Variants in CNOT4 observed in about 807,000 individuals in gnomAD.
CNOT4 encodes the protein CCR4-associated factor 4.
CNOT4 carries 8 observed loss-of-function variants against 73.8 expected under a neutral mutation model. That is an observed-to-expected ratio of 0.11 (90% CI 0.06 to 0.20). CNOT4 has a LOEUF of 0.20. Among genes scored for constraint, CNOT4 ranks in the 10% least tolerant of loss-of-function variants. CNOT4 has a pLI of 1.00. For missense variants in CNOT4, 564 were observed against 883.4 expected (o/e 0.64, Z 4.58); for synonymous variants, 293 against 321.1 (o/e 0.91, Z 0.94).
chr7:135,450,063 T>C (rs948995292), intron 1 of CNOT4, among the ~76,000 whole-genome samples: 10 of 152,098 alleles, frequency 6.6e-5, no homozygotes, highest in African/African-American at 1.7e-4. Context: ...CAGCTAAAAA[T>C]AGTCAGGCAC....
chr7:135,500,585 G>A (rs957770951), intron 1 of CNOT4, among the ~76,000 whole-genome samples: 11 of 152,024 alleles, frequency 7.2e-5, no homozygotes, highest in Admixed American at 2.0e-4. Flanking sequence ...CAAAGATATC[G>A]AAGTAAATGA....
intron 10 of CNOT4, chr7:135,384,870 C>T: frequency 3.1e-6 from 2 of 638,766 alleles, no homozygotes; most frequent in South Asian, 3.6e-5. Context: ...ATGATTGCTG[C>T]ATACATATTC....
chr7:135,395,479 A>G (rs1042522969), intron 9 of CNOT4, among the ~76,000 whole-genome samples, 155 bp downstream of exon 9: 1 of 152,220 alleles, frequency 6.6e-6, no homozygotes, highest in African/African-American at 2.4e-5. Context: ...AATGTATTTA[A>G]CCACCTAATT....
chr7:135,422,653 T>C (rs1354153247), intron 2 of CNOT4, among the ~76,000 whole-genome samples: 1 of 152,134 alleles, frequency 6.6e-6, no homozygotes, highest in Non-Finnish European at 1.5e-5. Context: ...CAACAGAGTT[T>C]ATGGGAAGAT....
At chr7:135,370,354 G>T (rs574837954) in intron 10 of CNOT4, among the ~76,000 whole-genome samples, 1 of 152,148 alleles carries the variant, frequency 6.6e-6, no homozygotes. Flanking sequence ...ATCCAGACAC[G>T]CTACATATGA....
chr7:135,415,293 T>A, intron 3 of CNOT4, 31 bp from the exon 4 acceptor site: 1 of 1,159,674 alleles, frequency 8.6e-7, no homozygotes, highest in Non-Finnish European at 1.3e-6. Context: ...AGGTATAAAC[T>A]GTCCCCATTT....
chr7:135,463,101 A>G (rs1800977146), intron 1 of CNOT4, among the ~76,000 whole-genome samples: 1 of 152,156 alleles, frequency 6.6e-6, no homozygotes, highest in Non-Finnish European at 1.5e-5. Context: ...CTGTTTTTGT[A>G]CCAGTGTCAT....
intron 3 of CNOT4, among the ~76,000 whole-genome samples, chr7:135,416,296 T>C (rs936151217): frequency 6.6e-6 from 1 of 152,202 alleles, no homozygotes; most frequent in Admixed American, 6.5e-5. Context: ...TGAATAAATC[T>C]ACGGCGGGTG....
At chr7:135,414,273 C>A in intron 5 of CNOT4, 58 bp downstream of exon 5, 3 of 708,296 alleles carry the variant, frequency 4.2e-6, no homozygotes, top group Non-Finnish European at 7.5e-6. Flanking sequence ...CCTCTACTTA[C>A]TATATTTTAT....
chr7:135,444,591 C>T, intron 1 of CNOT4: 1 of 1,351,808 alleles, frequency 7.4e-7, no homozygotes, highest in Non-Finnish European at 1.1e-6. Context: ...ATGTGGAGTA[C>T]AGCACATACA....
At chr7:135,441,406 T>TAAA (rs113086068) in intron 1 of CNOT4, among the ~76,000 whole-genome samples, 3 of 137,056 alleles carry the variant, frequency 2.2e-5, no homozygotes, top group African/African-American at 5.4e-5. Flanking sequence ...AAAATAAAAT[T>TAAA]AAAAAAAAAA....
intron 1 of CNOT4, among the ~76,000 whole-genome samples, chr7:135,455,299 G>GA (rs988256311): frequency 2.0e-5 from 3 of 147,536 alleles, no homozygotes; most frequent in Non-Finnish European, 3.0e-5. Context: ...ACTATGTGGC[G>GA]AAAAAAAAAG....
intron 7 of CNOT4, among the ~76,000 whole-genome samples, chr7:135,410,226 C>T (rs931819946): frequency 2.6e-5 from 4 of 151,982 alleles, no homozygotes; most frequent in African/African-American, 7.2e-5. Context: ...ACCTAAAATC[C>T]CTTAATTTTC....
intron 5 of CNOT4, among the ~76,000 whole-genome samples, 166 bp from the exon 6 acceptor site, chr7:135,413,779 T>G (rs1368864058): frequency 6.6e-6 from 1 of 152,034 alleles, no homozygotes; most frequent in Non-Finnish European, 1.5e-5. Flanking sequence ...ATTAGCAGGA[T>G]TTATTATAGA....
chr7:135,449,269 G>A (rs1451147609), intron 1 of CNOT4, among the ~76,000 whole-genome samples: 2 of 152,186 alleles, frequency 1.3e-5, no homozygotes, highest in South Asian at 2.1e-4. Flanking sequence ...GTATGGGGCA[G>A]GGGGATTCTG....
At position 135,363,950 on chromosome 7, in the gene CNOT4, T is replaced by G. The variant is rs1482957705; in HGVS notation, c.1744A>C (p.Asn582His). 1 of 1,598,374 alleles carries G rather than the reference T, an allele frequency of 6.3e-7. No homozygotes were observed. Among genetic ancestry groups the G allele is most frequent in the African/African-American group, 1.3e-5 (1 of 74,840 alleles). ...GGLPNSSSPS[N>H]ANHSAPTSNT... ...GACGTTGGTGCACTGTGGTTGGCGT[T>G]GGAGGGGGAAGAAGAATTGGGCAGT... is the stretch of plus-strand genomic sequence containing the variant. The change falls in exon 11 of 12, where the codon AAC (asparagine) becomes CAC (histidine). Residue 582 changes from asparagine (N) to histidine (H), a missense_variant. This residue lies in a region of CNOT4 where 53 missense variants were observed against 75.4 expected (regional missense o/e 0.70). Transcript: ENST00000541284. The surrounding 1 kb of genome is among the most constrained non-coding windows in gnomAD (Gnocchi z 4.3).
chr7:135,385,684 TAAGTA>T (rs1451016039), intron 10 of CNOT4, among the ~76,000 whole-genome samples: 1 of 152,188 alleles, frequency 6.6e-6, no homozygotes, highest in Non-Finnish European at 1.5e-5. Flanking sequence ...ATTTGAAATA[TAAGTA>T]TTCAATACCC....
rs1799957670 is a variant in CNOT4 at position 135,448,388 on chromosome 7, C to CA, written c.-92-9966dup. Among the ~76,000 whole-genome samples the CA allele has an allele frequency of 2.0e-5, 3 of 151,780 alleles. 1 individual carries two copies. Among genetic ancestry groups the CA allele is most frequent in the Admixed American group, 2.0e-4 (3 of 15,224 alleles). On this transcript the variant is annotated intron_variant, in intron 1 of 11. Coordinates refer to ENST00000541284, the MANE Select transcript of CNOT4 (RefSeq NM_001190850.2). ...TGAAACTCCATCTCCACTAAAAATA[C>CA]AAAAAATTAGCCAGGCGTGGTGGCG...
At chr7:135,452,525 G>A (rs560622694) in intron 1 of CNOT4, among the ~76,000 whole-genome samples, 64 of 152,076 alleles carry the variant, frequency 4.2e-4, no homozygotes, top group African/African-American at 1.5e-3. Context: ...AGCTGAGGTC[G>A]TATCACTGCA....
Sources: gnomAD v4.1 joint callset for allele counts (sites outside exome capture counted in the v4.1 genomes callset) on GRCh38, gnomAD v4.1.1 for gene constraint, gnomAD v4.1.1 regional missense constraint, Gnocchi (gnomAD v3.1) non-coding constraint, MANE v1.5 for transcripts, NCBI Gene and HGNC (gene_info 2026-07-23, HGNC 2026-07-21) for gene names.